The following ULK4 variants were observed in gnomAD, a reference collection of about 807,000 sequenced individuals.
The protein encoded by ULK4 is inactive serine/threonine-protein kinase ULK4.
In ULK4, 133 loss-of-function variants were observed where a neutral mutation model predicts 160.6. That is an observed-to-expected ratio of 0.83 (90% CI 0.72 to 0.96). The LOEUF (loss-of-function observed/expected upper bound fraction) is 0.96. Among genes scored for constraint, ULK4 ranks in the 40% least tolerant of loss-of-function variants. The probability of loss-of-function intolerance (pLI) is 0.00; values close to 1 mark genes in which losing one functional copy is unlikely to be tolerated. For missense variants in ULK4, 1,580 were observed against 1,499.5 expected (o/e 1.05, Z -0.89); for synonymous variants, 534 against 539.8 (o/e 0.99, Z 0.15).
At chr3:41,248,904 C>T (rs1217482716) in intron 36 of ULK4, among the ~76,000 whole-genome samples, 2 of 152,232 alleles carry the variant, frequency 1.3e-5, no homozygotes, top group African/African-American at 2.4e-5. Context: ...TCTAGACACA[C>T]TGACTGTACA....
chr3:41,655,146 A>C (rs546790948), intron 30 of ULK4, among the ~76,000 whole-genome samples: 1 of 146,150 alleles, frequency 6.8e-6, no homozygotes, highest in South Asian at 2.2e-4. Context: ...CCATCTCTAC[A>C]AAAAAAAAAA....
intron 34 of ULK4, among the ~76,000 whole-genome samples, chr3:41,411,550 C>G (rs775536743): frequency 4.6e-5 from 7 of 151,964 alleles, no homozygotes; most frequent in Admixed American, 1.3e-4. Flanking sequence ...GCCTCAGCCT[C>G]CCAAGTAGCT....
At chr3:41,515,489 A>T (rs2085720049) in intron 32 of ULK4, among the ~76,000 whole-genome samples, 1 of 152,166 alleles carries the variant, frequency 6.6e-6, no homozygotes, top group Non-Finnish European at 1.5e-5. Flanking sequence ...GCTATAAAAA[A>T]TTGCCCAAAA....
At chr3:41,518,457 C>T (rs1364330146) in intron 32 of ULK4, among the ~76,000 whole-genome samples, 1 of 152,166 alleles carries the variant, frequency 6.6e-6, no homozygotes, top group Non-Finnish European at 1.5e-5. Context: ...AAGCAATGGA[C>T]CACAAGACAA....
intron 35 of ULK4, among the ~76,000 whole-genome samples, chr3:41,328,757 G>A (rs932131404): frequency 2.6e-5 from 4 of 152,140 alleles, no homozygotes; most frequent in African/African-American, 9.7e-5. Context: ...AAGTAAGGGT[G>A]AGGCTGGCTC....
At chr3:41,737,249 G>T (rs891614688) in intron 22 of ULK4, among the ~76,000 whole-genome samples, 2 of 151,884 alleles carry the variant, frequency 1.3e-5, no homozygotes, top group African/African-American at 2.4e-5. Context: ...AATCATGAGT[G>T]AACTCCCATT....
chr3:41,919,873 C>T (rs1315597267), intron 5 of ULK4, 55 bp from the exon 6 acceptor site: 22 of 1,203,426 alleles, frequency 1.8e-5, no homozygotes, highest in Admixed American at 5.5e-5. Flanking sequence ...GCTGCCAACA[C>T]GAACCCACCT....
chr3:41,343,561 C>T (rs2080734022), intron 35 of ULK4, among the ~76,000 whole-genome samples: 1 of 152,126 alleles, frequency 6.6e-6, no homozygotes, highest in African/African-American at 2.4e-5. Context: ...GCCTTGGCCT[C>T]CCAAAGTGCT....
intron 30 of ULK4, among the ~76,000 whole-genome samples, chr3:41,663,056 A>G (rs546686507): frequency 2.6e-3 from 394 of 152,074 alleles, no homozygotes; most frequent in African/African-American, 9.1e-3. Context: ...CCCCATCTCT[A>G]CTAAAAATAC....
intron 17 of ULK4, among the ~76,000 whole-genome samples, chr3:41,882,507 C>G (rs1431178278): frequency 6.6e-6 from 1 of 152,166 alleles, no homozygotes; most frequent in Non-Finnish European, 1.5e-5. Context: ...ATCATCCATG[C>G]CTTTTTAGTT....
chr3:41,485,166 C>T (rs2125900687), intron 32 of ULK4, among the ~76,000 whole-genome samples: 1 of 152,282 alleles, frequency 6.6e-6, no homozygotes, highest in Admixed American at 6.5e-5. Flanking sequence ...TTCCCAAGAC[C>T]ATGTGGCTCC....
chr3:41,608,745 C>T (rs1438929447), intron 31 of ULK4, among the ~76,000 whole-genome samples: 2 of 152,220 alleles, frequency 1.3e-5, no homozygotes, highest in Non-Finnish European at 2.9e-5. Flanking sequence ...TCAGTGGTAT[C>T]ACTTGCCATG....
intron 27 of ULK4, among the ~76,000 whole-genome samples, chr3:41,701,819 T>G (rs2036684130): frequency 6.6e-6 from 1 of 152,168 alleles, no homozygotes; most frequent in African/African-American, 2.4e-5. Context: ...GTCTGTATAT[T>G]ACTAAAAGAA....
At chr3:41,662,760 CTCTT>C (rs2035219164) in intron 30 of ULK4, among the ~76,000 whole-genome samples, 1 of 152,030 alleles carries the variant, frequency 6.6e-6, no homozygotes, top group African/African-American at 2.4e-5. Context: ...CAAAAAGAAC[CTCTT>C]TCTTTCTCCT....
intron 36 of ULK4, 134 bp from the exon 37 acceptor site, chr3:41,247,126 A>G (rs2078660363): frequency 2.3e-6 from 2 of 871,180 alleles, no homozygotes; most frequent in African/African-American, 3.3e-5. Flanking sequence ...GGGAAGCAGA[A>G]GCAGGAAATC....
chr3:41,294,894 C>A (rs571456900), intron 35 of ULK4, among the ~76,000 whole-genome samples: 12 of 152,232 alleles, frequency 7.9e-5, no homozygotes, highest in African/African-American at 2.6e-4. Flanking sequence ...TCTATAGATT[C>A]AATGCAATTG....
Position 41,754,409 on chromosome 3 carries a change from T to C in ULK4, c.2273A>G (p.Tyr758Cys), listed in dbSNP as rs202201652. Reference protein sequence around the residue: ...IRAKAFLVLLYILIYNREMLL... With the variant: ...IRAKAFLVLLCILIYNREMLL... ...CATCTCACGGTTATAAATCAAAATATATAGAAGAACCAGGAAGGCTTTTGC... is the reference window on the plus strand; with the variant it reads ...CATCTCACGGTTATAAATCAAAATACATAGAAGAACCAGGAAGGCTTTTGC... The change falls in exon 22 of 37, where the codon TAT (tyrosine) becomes TGT (cysteine). Residue 758 changes from tyrosine (Y) to cysteine (C), a missense_variant. Coordinates refer to ENST00000301831, the MANE Select transcript of ULK4 (RefSeq NM_017886.4). 1 of 1,613,600 alleles carries C rather than the reference T, an allele frequency of 6.2e-7. No individual in the cohort carries two copies. Among genetic ancestry groups the C allele is most frequent in the Non-Finnish European group, 8.5e-7 (1 of 1,179,830 alleles).
At chr3:41,918,112 G>C (rs1468038643) in intron 7 of ULK4, among the ~76,000 whole-genome samples, 3 of 152,124 alleles carry the variant, frequency 2.0e-5, no homozygotes, top group Non-Finnish European at 4.4e-5. Flanking sequence ...ACAGGAGATA[G>C]AAATAACCAC....
intron 30 of ULK4, among the ~76,000 whole-genome samples, chr3:41,623,039 G>A (rs185901091): frequency 3.3e-5 from 5 of 152,238 alleles, no homozygotes; most frequent in African/African-American, 1.2e-4. Flanking sequence ...GCAGGTTACC[G>A]CTTCAGTCCA....
Sources: allele counts gnomAD v4.1 joint callset (sites outside exome capture counted in the v4.1 genomes callset), GRCh38; gene constraint gnomAD v4.1.1; transcripts MANE v1.5; gene names NCBI Gene and HGNC (gene_info 2026-07-23, HGNC 2026-07-21).